The following DCAF8L2 variants were observed in gnomAD, a reference collection of about 807,000 sequenced individuals.
DCAF8L2 encodes the protein DDB1 and CUL4 associated factor 8 like 2, also known as DDB1- and CUL4-associated factor 8-like protein 2.
For missense variants in DCAF8L2, 430 were observed against 490.7 expected (o/e 0.88, Z 1.17); for synonymous variants, 200 against 190.9 (o/e 1.05, Z -0.39).
the DCAF8L2 span, among the ~76,000 whole-genome samples, chrX:27,575,431 G>A: frequency 9.0e-6 from 1 of 110,861 alleles, no homozygotes. Context: ...TCCTCACCTA[G>A]GTCAGTGGAG....
At chrX:27,495,083 G>A in the DCAF8L2 span, among the ~76,000 whole-genome samples, 1 of 111,127 alleles carries the variant, frequency 9.0e-6, no homozygotes, top group Non-Finnish European at 1.9e-5. Flanking sequence ...ATCTATGGTT[G>A]TGTCATGGTT....
chrX:27,537,322 A>G, the DCAF8L2 span, among the ~76,000 whole-genome samples: 1 of 112,288 alleles, frequency 8.9e-6, no homozygotes, highest in Non-Finnish European at 1.9e-5. Flanking sequence ...ACAGAAATAG[A>G]AAAAAATCAA....
At chrX:27,689,075 A>G (rs1233434252) in intron 3 of DCAF8L2, among the ~76,000 whole-genome samples, 2 of 112,269 alleles carry the variant, frequency 1.8e-5, no homozygotes, top group East Asian at 5.6e-4. Context: ...CTATGATTCT[A>G]AATCATTCCC....
chrX:27,559,980 AAT>A, the DCAF8L2 span, among the ~76,000 whole-genome samples: 2 of 91,692 alleles, frequency 2.2e-5, no homozygotes, highest in East Asian at 3.6e-4. Context: ...AAAAAAAAAA[AAT>A]GACAGCCGGG....
intron 4 of DCAF8L2, among the ~76,000 whole-genome samples, chrX:27,726,127 C>T (rs1029106292): frequency 4.5e-5 from 5 of 111,307 alleles, no homozygotes; most frequent in African/African-American, 1.3e-4. Flanking sequence ...TTCAGGTTTC[C>T]GTGCCCTTCA....
the DCAF8L2 span, chrX:27,518,273 T>C: frequency 3.3e-6 from 3 of 912,764 alleles, no homozygotes; most frequent in South Asian, 2.0e-5. Flanking sequence ...AATGATAGAA[T>C]CCTACCCCAG....
intron 1 of DCAF8L2, among the ~76,000 whole-genome samples, chrX:27,615,342 A>C (rs923316794): frequency 4.5e-5 from 5 of 111,972 alleles, no homozygotes; most frequent in Admixed American, 3.8e-4. Flanking sequence ...GAACATAATG[A>C]ATCAATGTAA....
the DCAF8L2 span, among the ~76,000 whole-genome samples, chrX:27,547,071 C>T: frequency 8.9e-6 from 1 of 111,835 alleles, no homozygotes; most frequent in Non-Finnish European, 1.9e-5. Flanking sequence ...AACATAAGTT[C>T]CAGTTTCAAA....
At chrX:27,659,029 T>C (rs1369891292) in intron 2 of DCAF8L2, among the ~76,000 whole-genome samples, 3 of 111,857 alleles carry the variant, frequency 2.7e-5, no homozygotes, top group Non-Finnish European at 3.8e-5. Flanking sequence ...CTCTCTGATA[T>C]ATGTTTGAAT....
the DCAF8L2 span, among the ~76,000 whole-genome samples, chrX:27,482,142 G>A: frequency 3.6e-5 from 4 of 111,269 alleles, no homozygotes; most frequent in African/African-American, 1.3e-4. Context: ...TTTAAATCGA[G>A]TTATGCCTTT....
chrX:27,704,566 GATAA>G (rs1386853659), intron 3 of DCAF8L2, among the ~76,000 whole-genome samples: 1 of 110,276 alleles, frequency 9.1e-6, no homozygotes, highest in Admixed American at 9.7e-5. Flanking sequence ...CTTTATGTAA[GATAA>G]ATAAGTCTGG....
At chrX:27,576,789 A>G in the DCAF8L2 span, among the ~76,000 whole-genome samples, 1 of 112,268 alleles carries the variant, frequency 8.9e-6, no homozygotes, top group Non-Finnish European at 1.9e-5. Context: ...CATTAAGCTT[A>G]TTCAAAATGG....
At chrX:27,553,088 T>C in the DCAF8L2 span, among the ~76,000 whole-genome samples, 10,554 of 111,543 alleles carry the variant, frequency 0.095, 394 homozygotes, top group Non-Finnish European at 0.12. Context: ...TGTATAAAAA[T>C]GCTACAGATT....
chrX:27,723,124 T>C (rs1022470376), intron 4 of DCAF8L2, among the ~76,000 whole-genome samples: 3 of 110,431 alleles, frequency 2.7e-5, no homozygotes, highest in Non-Finnish European at 3.8e-5. Context: ...AACTATACCA[T>C]GTTTTATCTA....
At chrX:27,549,477 C>T in the DCAF8L2 span, among the ~76,000 whole-genome samples, 10,685 of 110,953 alleles carry the variant, frequency 0.096, 406 homozygotes, top group Non-Finnish European at 0.12. Context: ...TGAGTGAACT[C>T]TTTTTATAAA....
chrX:27,511,913 GCAA>G, the DCAF8L2 span, among the ~76,000 whole-genome samples: 3 of 111,379 alleles, frequency 2.7e-5, no homozygotes, highest in South Asian at 3.7e-4. Context: ...ATTTACAATA[GCAA>G]CAACAACAAC....
chrX:27,593,112 T>C (rs1213075291), intron 1 of DCAF8L2, among the ~76,000 whole-genome samples: 1 of 111,855 alleles, frequency 8.9e-6, no homozygotes, highest in African/African-American at 3.3e-5. Context: ...TCAACCATTT[T>C]TAAGCGCATA....
At chrX:27,601,112 A>AT (rs1209803039) in intron 1 of DCAF8L2, among the ~76,000 whole-genome samples, 2 of 110,654 alleles carry the variant, frequency 1.8e-5, no homozygotes, top group East Asian at 5.7e-4. Flanking sequence ...TAATTTTTGT[A>AT]TTTTTTGTAG....
chrX:27,708,129 C>T (rs900766904), intron 3 of DCAF8L2, among the ~76,000 whole-genome samples: 15 of 110,873 alleles, frequency 1.4e-4, no homozygotes, highest in African/African-American at 4.3e-4. Flanking sequence ...AGCATAGTAC[C>T]CAATAGTTAG....
Sources: gnomAD v4.1 joint callset for allele counts (sites outside exome capture counted in the v4.1 genomes callset) on GRCh38, gnomAD v4.1.1 for gene constraint, MANE v1.5 for transcripts, NCBI Gene and HGNC (gene_info 2026-07-23, HGNC 2026-07-21) for gene names.